The following FTO variants were observed in gnomAD, a reference collection of about 807,000 sequenced individuals.
The protein encoded by FTO is alpha-ketoglutarate-dependent dioxygenase FTO.
In FTO, 47 loss-of-function variants were observed where a neutral mutation model predicts 63.9. That is an observed-to-expected ratio of 0.74 (90% CI 0.58 to 0.94). The LOEUF (loss-of-function observed/expected upper bound fraction) is 0.94, where lower values mean the gene tolerates loss of function less well. Ranked by LOEUF, FTO falls within the 40% of genes least tolerant of loss-of-function variation. FTO has a pLI of 0.00. For synonymous variants in FTO, 207 were observed against 224.4 expected, an observed-to-expected ratio of 0.92 and a Z score of 0.69; for missense variants, 562 against 618.1, an observed-to-expected ratio of 0.91 and a Z score of 0.96.
chr16:53,892,144 G>A (rs1051936155), intron 7 of FTO, among the ~76,000 whole-genome samples: 3 of 152,112 alleles, frequency 2.0e-5, no homozygotes, highest in African/African-American at 7.2e-5. Flanking sequence ...CTACGGTTCT[G>A]TGGTTCTGTT....
rs2076298103 is a variant in FTO at position 53,732,597 on chromosome 16, G to T, written c.45+28368G>T. Among the ~76,000 whole-genome samples, 3 of 152,126 alleles carry T rather than the reference G, an allele frequency of 2.0e-5. No individual in the cohort carries two copies. The South Asian group carries it at 6.2e-4, about 31-fold the overall frequency. On this transcript the variant is annotated intron_variant, in intron 1 of 8. Transcript: ENST00000471389. ...GGAACTTCTTATCTTGCTTTTATTA[G>T]CAGTCGTGTCAACATGCACTAAAAT... is the stretch of plus-strand genomic sequence containing the variant.
intron 1 of FTO, among the ~76,000 whole-genome samples, chr16:53,779,499 A>G (rs1201283951): frequency 6.6e-6 from 1 of 152,140 alleles, no homozygotes; most frequent in Non-Finnish European, 1.5e-5. Flanking sequence ...TCAATTCTCT[A>G]TTGTGGTTTG....
intron 8 of FTO, among the ~76,000 whole-genome samples, chr16:54,012,090 A>G (rs1767660694): frequency 6.6e-6 from 1 of 152,252 alleles, no homozygotes; most frequent in African/African-American, 2.4e-5. Context: ...ACAGTCTGAA[A>G]ACCAAGACTT....
chr16:53,767,196 T>C (rs1051923822), intron 1 of FTO, among the ~76,000 whole-genome samples: 3 of 152,188 alleles, frequency 2.0e-5, no homozygotes, highest in African/African-American at 7.2e-5. Flanking sequence ...CTACGCACTG[T>C]CCAGAAGCAT....
rs62035802 is a variant in FTO, at chr16:53,982,396, G to C, written c.1364+48287G>C. The stretch of plus-strand genomic sequence containing the variant: ...GTTAAATATGAAGTAATCTTGATTA[G>C]GCCTTTTGTTCACAGAACCAATGAA... On this transcript the variant is annotated intron_variant, in intron 8 of 8. Transcript: ENST00000471389. 2.6e-3 allele frequency among the ~76,000 whole-genome samples: 399 copies of C among 152,188 alleles called. 1 individual carries two copies. The highest frequency in any genetic ancestry group is 4.5e-3 in the Non-Finnish European group (304 of 68,006).
chr16:53,769,950 G>A (rs1462845968), intron 1 of FTO, among the ~76,000 whole-genome samples: 1 of 151,972 alleles, frequency 6.6e-6, no homozygotes, highest in East Asian at 1.9e-4. Context: ...TGTGTTTAGG[G>A]GTTTTTTATG....
chr16:53,878,712 C>T (rs896108276), intron 5 of FTO, among the ~76,000 whole-genome samples: 3 of 152,170 alleles, frequency 2.0e-5, no homozygotes, highest in African/African-American at 7.2e-5. Flanking sequence ...TCAAAACAGG[C>T]AGATGCACTG....
In FTO at chr16:53,776,222, T is replaced by C. The variant is rs2077455856; in HGVS notation, c.46-33918T>C. ...TTTGCCAGGCTGGATGAGCTCCATG[T>C]CCATACCACTGCATTGCAGTTTGCT... is the stretch of plus-strand genomic sequence containing the variant. On this transcript the variant is annotated intron_variant, in intron 1 of 8. Transcript: ENST00000471389. 3.3e-5 allele frequency among the ~76,000 whole-genome samples: 5 copies of C among 152,300 alleles called. No homozygotes were observed. In the South Asian group the frequency reaches 1.0e-3, roughly 32 times the overall value.
rs987095673 is a variant in FTO, at chr16:53,841,790, G to A, written c.752-2365G>A. Among the ~76,000 whole-genome samples, 7 of 152,164 alleles carry A rather than the reference G, an allele frequency of 4.6e-5. No individual in the cohort carries two copies. The South Asian group carries it at 1.2e-3, about 27-fold the overall frequency. On this transcript the variant is annotated intron_variant, in intron 3 of 8. Transcript: ENST00000471389. Reference sequence around the variant, plus strand: ...ACATGATACAGCCCAGGGAAAACATGCTTTATTGTGCATTTTGAAAGCTTT... The same window carrying A: ...ACATGATACAGCCCAGGGAAAACATACTTTATTGTGCATTTTGAAAGCTTT...
intron 7 of FTO, among the ~76,000 whole-genome samples, chr16:53,899,142 A>G (rs1165556806): frequency 6.6e-6 from 1 of 152,236 alleles, no homozygotes; most frequent in Non-Finnish European, 1.5e-5. Context: ...CTGAGGGCAC[A>G]GAGGACAGTC....
chr16:53,899,307 T>TGTTGCTAAA (rs2081347323), intron 7 of FTO, among the ~76,000 whole-genome samples: 1 of 152,114 alleles, frequency 6.6e-6, no homozygotes, highest in African/African-American at 2.4e-5. Context: ...GTTAGAATCA[T>TGTTGCTAAA]AGTGTTTTGT....
chr16:54,100,465 A>G (rs771315669), intron 8 of FTO, among the ~76,000 whole-genome samples: 9 of 151,850 alleles, frequency 5.9e-5, no homozygotes, highest in Non-Finnish European at 1.0e-4. Flanking sequence ...TGATCCTCCC[A>G]CCTCAGCCTC....
chr16:54,022,709 A>G (rs963894534), intron 8 of FTO, among the ~76,000 whole-genome samples: 4 of 152,240 alleles, frequency 2.6e-5, no homozygotes, highest in African/African-American at 9.6e-5. Context: ...GAATACCACA[A>G]GAGTTCACAA....
chr16:53,995,702 A>T (rs2143946532), intron 8 of FTO, among the ~76,000 whole-genome samples: 1 of 152,278 alleles, frequency 6.6e-6, no homozygotes. Context: ...CGCCTCCTTC[A>T]CCCCAATGAG....
At chr16:53,815,641 T>TC (rs199709722) in intron 2 of FTO, among the ~76,000 whole-genome samples, 3 of 28,826 alleles carry the variant, frequency 1.0e-4, no homozygotes, top group African/African-American at 3.5e-4. Context: ...TTCTTGTTTT[T>TC]TTTTTTTTTT....
upstream of FTO, chr16:53,704,022 G>A (rs1300090635): frequency 1.8e-5 from 14 of 764,688 alleles, no homozygotes; most frequent in East Asian, 3.8e-4. Context: ...CGTGGCGCTC[G>A]CGGGTGTCGC....
intron 1 of FTO, among the ~76,000 whole-genome samples, chr16:53,783,622 A>AAAAAG (rs2077650184): frequency 6.8e-6 from 1 of 148,094 alleles, no homozygotes; most frequent in Non-Finnish European, 1.5e-5. Context: ...AAAAAAAAAA[A>AAAAAG]AAAAAGTAAA....
chr16:53,944,015 C>A (rs982093184), intron 8 of FTO, among the ~76,000 whole-genome samples: 1 of 152,154 alleles, frequency 6.6e-6, no homozygotes, highest in Non-Finnish European at 1.5e-5. Context: ...AGAGAATGGG[C>A]AAAGCCATAC....
At chr16:53,997,653 G>T (rs1469985407) in intron 8 of FTO, among the ~76,000 whole-genome samples, 1 of 151,788 alleles carries the variant, frequency 6.6e-6, no homozygotes, top group East Asian at 1.9e-4. Flanking sequence ...GAGAGAAATA[G>T]AACATTCAGA....
Sources: gnomAD v4.1 joint callset for allele counts (sites outside exome capture counted in the v4.1 genomes callset) on GRCh38, gnomAD v4.1.1 for gene constraint, MANE v1.5 for transcripts, NCBI Gene and HGNC (gene_info 2026-07-23, HGNC 2026-07-21) for gene names.